MOSMO: variants seen among roughly 807,000 people sequenced by gnomAD.
The protein encoded by MOSMO is modulator of smoothened.
MOSMO carries 5 observed loss-of-function variants against 18.4 expected under a neutral mutation model. The observed-to-expected ratio is 0.27, with a 90% CI of 0.14 to 0.57. The LOEUF (loss-of-function observed/expected upper bound fraction) is 0.57, where lower values mean the gene tolerates loss of function less well. Among genes scored for constraint, MOSMO ranks in the 20% least tolerant of loss-of-function variants. The pLI is 0.92. For synonymous variants in MOSMO, 82 were observed against 82.3 expected, an observed-to-expected ratio of 1.00 and a Z score of 0.02; for missense variants, 138 against 211.8, an observed-to-expected ratio of 0.65 and a Z score of 2.16.
At chr16:22,041,711 C>T (rs530865680) in intron 1 of MOSMO, among the ~76,000 whole-genome samples, 1 of 151,788 alleles carries the variant, frequency 6.6e-6, no homozygotes, top group South Asian at 2.1e-4. Flanking sequence ...GACACGGCCT[C>T]ACTTTGTTGC....
downstream of MOSMO, chr16:22,092,469 C>T (rs1555524631): frequency 4.1e-6 from 3 of 726,644 alleles, no homozygotes; most frequent in South Asian, 6.6e-5. Context: ...TTTCCCTGCC[C>T]CGAGCTGCAG....
rs1238287180 is a variant in MOSMO, at chr16:22,044,365, T to C, written c.107-31122T>C. 2.0e-5 allele frequency among the ~76,000 whole-genome samples: 3 copies of C among 152,206 alleles called. No homozygotes were observed. In the East Asian group the frequency reaches 5.8e-4, roughly 29 times the overall value. On this transcript the variant is annotated intron_variant, in intron 1 of 2. Coordinates refer to ENST00000542527, the MANE Select transcript of MOSMO (RefSeq NM_001164579.2). Reference sequence around the variant, plus strand: ...AACTAATTTATTAAGTACTTCTGTGTGCCAGGGATTGTTCCTAAGCTTCCT... The same window carrying C: ...AACTAATTTATTAAGTACTTCTGTGCGCCAGGGATTGTTCCTAAGCTTCCT...
intron 1 of MOSMO, among the ~76,000 whole-genome samples, chr16:22,009,757 G>C (rs1466554041): frequency 8.5e-6 from 1 of 117,428 alleles, no homozygotes; most frequent in Non-Finnish European, 1.6e-5. Flanking sequence ...TCAGGATTTC[G>C]AAACTAGCCT....
At chr16:22,044,554 A>C (rs1900271278) in intron 1 of MOSMO, among the ~76,000 whole-genome samples, 1 of 152,152 alleles carries the variant, frequency 6.6e-6, no homozygotes, top group Non-Finnish European at 1.5e-5. Flanking sequence ...GGGGATGCTC[A>C]ACCGTAAGTA....
chr16:22,055,540 C>G (rs1054720415), intron 1 of MOSMO, among the ~76,000 whole-genome samples: 1 of 152,166 alleles, frequency 6.6e-6, no homozygotes, highest in Non-Finnish European at 1.5e-5. Flanking sequence ...TTCCTACTAC[C>G]CTTGCATCCT....
At chr16:22,035,156 C>T (rs1294965674) in intron 1 of MOSMO, among the ~76,000 whole-genome samples, 1 of 152,008 alleles carries the variant, frequency 6.6e-6, no homozygotes, top group Non-Finnish European at 1.5e-5. Context: ...GTTCTATAAT[C>T]CTATGAGGAG....
chr16:22,013,113 T>C (rs1012009832), intron 1 of MOSMO, among the ~76,000 whole-genome samples: 1 of 152,234 alleles, frequency 6.6e-6, no homozygotes, highest in Non-Finnish European at 1.5e-5. Flanking sequence ...TCAACACCAA[T>C]AGGAATATCT....
chr16:22,033,677 G>C (rs1447560807), intron 1 of MOSMO, among the ~76,000 whole-genome samples: 2 of 151,724 alleles, frequency 1.3e-5, no homozygotes, highest in Non-Finnish European at 2.9e-5. Flanking sequence ...AAAATCACCC[G>C]GGCATGGTGG....
chr16:22,089,919 A>C (rs552812967), downstream of MOSMO: 4 of 151,354 alleles, frequency 2.6e-5, no homozygotes, highest in African/African-American at 9.7e-5. Context: ...GGAGAATATC[A>C]TCTCCCCTTT....
intron 1 of MOSMO, among the ~76,000 whole-genome samples, chr16:22,068,773 C>T (rs941103675): frequency 1.3e-5 from 2 of 152,076 alleles, no homozygotes; most frequent in Admixed American, 6.6e-5. Context: ...AGTTGATGGA[C>T]ATTTGTATTG....
chr16:22,068,540 C>T (rs993744410), intron 1 of MOSMO, among the ~76,000 whole-genome samples: 8 of 152,140 alleles, frequency 5.3e-5, no homozygotes, highest in African/African-American at 1.9e-4. Context: ...ATTTCTTTTT[C>T]CCCCATCCTC....
At chr16:22,075,445 G>GCCAAAC (rs1237054141) in intron 1 of MOSMO, 42 bp from the exon 2 acceptor site, 1 of 1,486,200 alleles carries the variant, frequency 6.7e-7, no homozygotes, top group South Asian at 1.2e-5. Flanking sequence ...CCCTGGACAG[G>GCCAAAC]CCAAACCCAC....
intron 1 of MOSMO, among the ~76,000 whole-genome samples, chr16:22,054,368 A>G (rs1370577145): frequency 6.6e-6 from 1 of 152,184 alleles, no homozygotes; most frequent in Non-Finnish European, 1.5e-5. Context: ...AGTGCTGGAC[A>G]TACAGGCATG....
At chr16:22,061,594 A>G (rs1322941676) in intron 1 of MOSMO, among the ~76,000 whole-genome samples, 1 of 152,200 alleles carries the variant, frequency 6.6e-6, no homozygotes, top group Non-Finnish European at 1.5e-5. Flanking sequence ...CATACATCCT[A>G]CAGTGTATTG....
chr16:22,041,911 C>G (rs368899850), intron 1 of MOSMO, among the ~76,000 whole-genome samples: 1 of 152,064 alleles, frequency 6.6e-6, no homozygotes, highest in South Asian at 2.1e-4. Flanking sequence ...GTCTTGAACT[C>G]CTGGCCTCGA....
chr16:22,078,089 C>T (rs893375435), intron 2 of MOSMO, among the ~76,000 whole-genome samples: 1 of 151,924 alleles, frequency 6.6e-6, no homozygotes, highest in Non-Finnish European at 1.5e-5. Context: ...GCAAGAGAAA[C>T]CAAGATGAGT....
chr16:22,036,233 C>T (rs899692721), intron 1 of MOSMO, among the ~76,000 whole-genome samples: 3 of 152,012 alleles, frequency 2.0e-5, no homozygotes, highest in African/African-American at 4.8e-5. Flanking sequence ...CCAAGTGATC[C>T]GCTTACCTCA....
At chr16:22,063,749 A>T (rs1431818262) in intron 1 of MOSMO, among the ~76,000 whole-genome samples, 1 of 152,178 alleles carries the variant, frequency 6.6e-6, no homozygotes, top group African/African-American at 2.4e-5. Context: ...GAACCCAAAG[A>T]TGACATCTCC....
intron 1 of MOSMO, among the ~76,000 whole-genome samples, chr16:22,027,797 G>C (rs1283837850): frequency 6.6e-6 from 1 of 152,114 alleles, no homozygotes; most frequent in Non-Finnish European, 1.5e-5. Context: ...CAAGAAAATT[G>C]AATTTCTCAT....
Sources: gnomAD v4.1 joint callset for allele counts (sites outside exome capture counted in the v4.1 genomes callset) on GRCh38, gnomAD v4.1.1 for gene constraint, MANE v1.5 for transcripts, NCBI Gene and HGNC (gene_info 2026-07-23, HGNC 2026-07-21) for gene names.